TTC7B: variants seen among roughly 807,000 people sequenced by gnomAD.
TTC7B encodes tetratricopeptide repeat domain 7B, also known as tetratricopeptide repeat protein 7B.
In TTC7B, 28 loss-of-function variants were observed where a neutral mutation model predicts 106.8. That is an observed-to-expected ratio of 0.26 (90% CI 0.19 to 0.36). The LOEUF (loss-of-function observed/expected upper bound fraction) is 0.36, where lower values mean the gene tolerates loss of function less well. Ranked by LOEUF, TTC7B falls within the 10% of genes least tolerant of loss-of-function variation. The pLI, the probability that TTC7B is intolerant of heterozygous loss-of-function variation, is 1.00. For missense variants in TTC7B, 862 were observed against 1,076.4 expected (o/e 0.80, Z 2.79); for synonymous variants, 405 against 430.6 (o/e 0.94, Z 0.74).
intron 1 of TTC7B, among the ~76,000 whole-genome samples, chr14:90,800,128 G>T (rs1286330): frequency 0.72 from 109,704 of 151,942 alleles, 40,140 homozygotes; most frequent in Middle Eastern, 0.79. Flanking sequence ...CACCACGCCC[G>T]GCCTGATCTA....
chr14:90,664,377 C>T (rs1375323617), intron 9 of TTC7B, among the ~76,000 whole-genome samples: 6 of 152,128 alleles, frequency 3.9e-5, no homozygotes, highest in South Asian at 2.1e-4. Context: ...TCAAGCGATT[C>T]GCCTGCCTCA....
intron 16 of TTC7B, among the ~76,000 whole-genome samples, chr14:90,611,258 G>A (rs1033771460): frequency 3.9e-5 from 6 of 152,040 alleles, no homozygotes; most frequent in East Asian, 1.9e-4. Flanking sequence ...CCACACCTGC[G>A]CTTCTAAAAC....
chr14:90,727,153 G>A (rs143758061), intron 5 of TTC7B, among the ~76,000 whole-genome samples: 1 of 152,320 alleles, frequency 6.6e-6, no homozygotes, highest in East Asian at 1.9e-4. Context: ...CGCTGTAGAT[G>A]AGACACGGGG....
Position 90,657,411 on chromosome 14 carries a change from G to T in TTC7B, c.1237-133C>A. 1 of 730,262 alleles carries T rather than the reference G, an allele frequency of 1.4e-6. No homozygotes were observed. The highest frequency in any genetic ancestry group is 2.2e-6 in the Non-Finnish European group (1 of 454,426). The allele number at this position is 730,262 out of a possible 1,614,324, so 45.2% of individuals were successfully genotyped here. A position where few individuals can be genotyped will look rare whatever the true frequency, so the allele number is the denominator to read the frequency against. On this transcript the variant is annotated intron_variant, in intron 10 of 19. Transcript: ENST00000328459. This position sits in a 1 kb window ranked among gnomAD's most constrained non-coding sequence, Gnocchi z 4.2. ...TCCAACTTTAAGCCCAAGCAAGCGGGGGCCTGAGGTGCATGAAAACCAGAG... is the reference window on the plus strand; with the variant it reads ...TCCAACTTTAAGCCCAAGCAAGCGGTGGCCTGAGGTGCATGAAAACCAGAG...
intron 19 of TTC7B, among the ~76,000 whole-genome samples, chr14:90,563,081 TAG>T (rs984745379): frequency 6.6e-6 from 1 of 152,234 alleles, no homozygotes; most frequent in African/African-American, 2.4e-5. Context: ...GGGACTAGGA[TAG>T]AGTCATGTTA....
At chr14:90,680,125 C>T (rs1886994504) in intron 8 of TTC7B, among the ~76,000 whole-genome samples, 1 of 152,200 alleles carries the variant, frequency 6.6e-6, no homozygotes, top group East Asian at 1.9e-4. Flanking sequence ...GCCTCTTTCT[C>T]CTTTTAAGGT....
chr14:90,660,295 A>T lies in TTC7B; in HGVS notation c.1153-1908T>A, dbSNP rs937784335. Among the ~76,000 whole-genome samples the T allele has an allele frequency of 1.3e-4, 19 of 144,172 alleles. No individual in the cohort carries two copies. The Admixed American group carries it at 1.3e-3, about 10-fold the overall frequency. 94.6% of individuals were successfully genotyped at this position (144,172 alleles called of 152,430 possible). A position where few individuals can be genotyped will look rare whatever the true frequency, so the allele number is the denominator to read the frequency against. On this transcript the variant is annotated intron_variant, in intron 9 of 19. Coordinates refer to ENST00000328459, the MANE Select transcript of TTC7B (RefSeq NM_001010854.2). The stretch of plus-strand genomic sequence containing the variant: ...GTCCCAGTTACTCAGGAGGCTGAGG[A>T]GGGAGAATAGCTTGAGCCCAGGAGG...
At chr14:90,599,492 A>T (rs555607565) in intron 17 of TTC7B, among the ~76,000 whole-genome samples, 2 of 152,324 alleles carry the variant, frequency 1.3e-5, no homozygotes, top group East Asian at 3.9e-4. Context: ...ATGTCAGCCG[A>T]CCACCTCACA....
chr14:90,747,255 C>T (rs1212612997), intron 3 of TTC7B, among the ~76,000 whole-genome samples: 2 of 152,184 alleles, frequency 1.3e-5, no homozygotes, highest in Non-Finnish European at 2.9e-5. Context: ...AGTACTGTCA[C>T]ACTCCGTTGC....
chr14:90,811,523 G>A (rs2030900959), intron 1 of TTC7B, among the ~76,000 whole-genome samples: 1 of 152,182 alleles, frequency 6.6e-6, no homozygotes, highest in Admixed American at 6.5e-5. Flanking sequence ...ACCAGGTGTC[G>A]TCTAGGAGCC....
At chr14:90,593,377 G>C (rs1595187514) in intron 18 of TTC7B, 109 bp downstream of exon 18, 4 of 1,423,598 alleles carry the variant, frequency 2.8e-6, no homozygotes, top group African/African-American at 1.4e-5. Flanking sequence ...CTAATGAGGG[G>C]TGTGGGCTAA....
At chr14:90,714,379 G>A (rs1268357691) in intron 5 of TTC7B, among the ~76,000 whole-genome samples, 1 of 152,020 alleles carries the variant, frequency 6.6e-6, no homozygotes, top group Non-Finnish European at 1.5e-5. Flanking sequence ...AGGAATTGAC[G>A]AACAGGCACA....
At chr14:90,629,381 C>T (rs539020495) in intron 15 of TTC7B, among the ~76,000 whole-genome samples, 56 of 152,156 alleles carry the variant, frequency 3.7e-4, no homozygotes, top group Admixed American at 2.7e-3. Context: ...CACCTTATAC[C>T]GCCCATTTGC....
At chr14:90,727,971 C>T (rs912896372) in intron 5 of TTC7B, among the ~76,000 whole-genome samples, 1 of 152,124 alleles carries the variant, frequency 6.6e-6, no homozygotes. Flanking sequence ...ACAAATGAGC[C>T]CTGGCTGTGG....
chr14:90,578,087 GC>G lies in TTC7B; in HGVS notation c.2310+18del, dbSNP rs1891331623. On this transcript the variant is annotated intron_variant, in intron 19 of 19. Coordinates refer to ENST00000328459, the MANE Select transcript of TTC7B (RefSeq NM_001010854.2). The surrounding 1 kb of genome is among the most constrained non-coding windows in gnomAD (Gnocchi z 4.7). ...TCCCCATGCCAGAGTAGGGGCCACCGCCGGGCTCGTGGACTCACCAGTCGCT... is the reference window on the plus strand; with the variant it reads ...TCCCCATGCCAGAGTAGGGGCCACCGCGGGCTCGTGGACTCACCAGTCGCT... 1 of 1,593,248 alleles carries G rather than the reference GC, an allele frequency of 6.3e-7. No homozygotes were observed. The highest frequency in any genetic ancestry group is 8.5e-7 in the Non-Finnish European group (1 of 1,169,700).
At chr14:90,567,114 T>C (rs566407425) in intron 19 of TTC7B, among the ~76,000 whole-genome samples, 147 of 152,334 alleles carry the variant, frequency 9.6e-4, no homozygotes, top group South Asian at 6.6e-3. Flanking sequence ...GAGAGAGGCC[T>C]GCCTTGGCTC....
intron 6 of TTC7B, among the ~76,000 whole-genome samples, chr14:90,695,054 T>TGCCACATATA (rs1473632185): frequency 2.4e-5 from 1 of 41,354 alleles, no homozygotes; most frequent in Non-Finnish European, 4.8e-5. Flanking sequence ...ATAAAATATA[T>TGCCACATATA]TTTATTTTAT....
At chr14:90,636,182 A>G (rs910190573) in intron 15 of TTC7B, among the ~76,000 whole-genome samples, 1 of 152,100 alleles carries the variant, frequency 6.6e-6, no homozygotes, top group Non-Finnish European at 1.5e-5. Flanking sequence ...ATATGTGTAT[A>G]TGTATACATG....
At chr14:90,709,992 A>AAG (rs1888379446) in intron 5 of TTC7B, among the ~76,000 whole-genome samples, 1 of 150,926 alleles carries the variant, frequency 6.6e-6, no homozygotes, top group Non-Finnish European at 1.5e-5. Flanking sequence ...AAAAAAAAAA[A>AAG]AAAGAAAAGA....
Sources: allele counts gnomAD v4.1 joint callset (sites outside exome capture counted in the v4.1 genomes callset), GRCh38; gene constraint gnomAD v4.1.1; non-coding constraint Gnocchi (gnomAD v3.1); transcripts MANE v1.5; gene names NCBI Gene and HGNC (gene_info 2026-07-23, HGNC 2026-07-21).